The following LRP1B variants were observed in gnomAD, a reference collection of about 807,000 sequenced individuals.
LRP1B encodes low-density lipoprotein receptor-related protein 1B.
In LRP1B, 217 loss-of-function variants were observed where a neutral mutation model predicts 556.6. That is an observed-to-expected ratio of 0.39 (90% CI 0.35 to 0.44). The LOEUF (loss-of-function observed/expected upper bound fraction) is 0.44. Ranked by LOEUF, LRP1B falls within the 20% of genes least tolerant of loss-of-function variation. The pLI, the probability that LRP1B is intolerant of heterozygous loss-of-function variation, is 1.00. For synonymous variants in LRP1B, 2,047 were observed against 1,865.8 expected, an observed-to-expected ratio of 1.10 and a Z score of -2.50; for missense variants, 5,053 against 5,620.8, an observed-to-expected ratio of 0.90 and a Z score of 3.23.
intron 21 of LRP1B, among the ~76,000 whole-genome samples, chr2:140,914,715 G>A (rs769993741): frequency 2.6e-5 from 4 of 152,012 alleles, no homozygotes; most frequent in African/African-American, 4.8e-5. Context: ...GAGGAAAATG[G>A]GCAAGGGAAA....
At chr2:141,637,530 G>A (rs1689146100) in intron 2 of LRP1B, among the ~76,000 whole-genome samples, 1 of 152,176 alleles carries the variant, frequency 6.6e-6, no homozygotes, top group Non-Finnish European at 1.5e-5. Context: ...AATTAAGGAT[G>A]CAAACAAATG....
intron 3 of LRP1B, among the ~76,000 whole-genome samples, chr2:141,414,532 G>T (rs992654343): frequency 2.6e-5 from 4 of 152,166 alleles, no homozygotes; most frequent in African/African-American, 9.7e-5. Flanking sequence ...TTTAATTTTT[G>T]ATTTCCCCAG....
chr2:140,625,202 G>T (rs566098735), intron 41 of LRP1B, among the ~76,000 whole-genome samples: 8 of 152,244 alleles, frequency 5.3e-5, no homozygotes, highest in African/African-American at 1.9e-4. Context: ...AATAAACAAA[G>T]TAAGATGACC....
At chr2:141,099,441 GCA>G (rs142241139) in intron 7 of LRP1B, among the ~76,000 whole-genome samples, 2,434 of 152,232 alleles carry the variant, frequency 0.016, 35 homozygotes, top group Middle Eastern at 0.068. Flanking sequence ...AACTCCCAAA[GCA>G]CAGAGACTAG....
chr2:141,553,872 A>ATAATATAGTTATATAATATATCTATAT (rs746948208), intron 2 of LRP1B, among the ~76,000 whole-genome samples: 56 of 135,552 alleles, frequency 4.1e-4, no homozygotes, highest in African/African-American at 9.3e-4. Context: ...TATATCTATA[A>ATAATATAGTTATATAATATATCTATAT]TAATATAGTT....
At chr2:141,458,243 A>G (rs1320087007) in intron 3 of LRP1B, among the ~76,000 whole-genome samples, 7 of 152,214 alleles carry the variant, frequency 4.6e-5, no homozygotes, top group East Asian at 3.8e-4. Flanking sequence ...GTGCAAGACA[A>G]TATGTGTTTT....
intron 22 of LRP1B, among the ~76,000 whole-genome samples, chr2:140,904,491 C>CCAGTATGAAAAT (rs1694191326): frequency 6.6e-6 from 1 of 151,912 alleles, no homozygotes; most frequent in Non-Finnish European, 1.5e-5. Flanking sequence ...GAAAATGTAT[C>CCAGTATGAAAAT]CAGTATGAAA....
At chr2:141,837,107 G>A (rs1697309207) in intron 1 of LRP1B, among the ~76,000 whole-genome samples, 2 of 151,992 alleles carry the variant, frequency 1.3e-5, no homozygotes, top group African/African-American at 4.8e-5. Flanking sequence ...CAGCAGGTAT[G>A]CAGGGCTAGG....
chr2:140,281,109 CTCTT>C (rs1185692595), intron 84 of LRP1B, among the ~76,000 whole-genome samples: 1 of 151,820 alleles, frequency 6.6e-6, no homozygotes, highest in African/African-American at 2.4e-5. Context: ...TGCACACTCT[CTCTT>C]TTTCTTTCTC....
intron 43 of LRP1B, among the ~76,000 whole-genome samples, chr2:140,579,045 G>A (rs999163089): frequency 3.9e-5 from 6 of 151,998 alleles, no homozygotes; most frequent in Non-Finnish European, 1.5e-5. Context: ...CGGAACAGGG[G>A]AACAAGGAGA....
At position 141,909,303 on chromosome 2, in the gene LRP1B, A is replaced by C. The variant is rs1699840629; in HGVS notation, c.83-98902T>G. 2.0e-5 allele frequency among the ~76,000 whole-genome samples: 3 copies of C among 152,092 alleles called. No homozygotes were observed. In the South Asian group the frequency reaches 6.2e-4, roughly 31 times the overall value. ...ACAATACAGGTAACTCTTATAAGAC[A>C]ATCAATTATGGGAAACAAAGTAAAC... On this transcript the variant is annotated intron_variant, in intron 1 of 90. Coordinates refer to ENST00000389484, the MANE Select transcript of LRP1B (RefSeq NM_018557.3).
intron 32 of LRP1B, among the ~76,000 whole-genome samples, chr2:140,787,800 C>T (rs1689961062): frequency 6.6e-6 from 1 of 151,868 alleles, no homozygotes; most frequent in Non-Finnish European, 1.5e-5. Context: ...GTTTAGAACT[C>T]CTGGCCTCAA....
chr2:140,479,848 G>A (rs1228237282), intron 59 of LRP1B, among the ~76,000 whole-genome samples: 1 of 152,174 alleles, frequency 6.6e-6, no homozygotes, highest in African/African-American at 2.4e-5. Context: ...ATCAGAAACT[G>A]AATTTTCATC....
intron 7 of LRP1B, among the ~76,000 whole-genome samples, chr2:141,127,103 C>T (rs572903760): frequency 2.1e-4 from 32 of 151,582 alleles, no homozygotes; most frequent in South Asian, 1.0e-3. Context: ...AGTGAGAACA[C>T]GCGGTGTTTG....
At chr2:141,200,992 C>T (rs976449451) in intron 6 of LRP1B, among the ~76,000 whole-genome samples, 1 of 152,120 alleles carries the variant, frequency 6.6e-6, no homozygotes, top group African/African-American at 2.4e-5. Context: ...TAATCAGCTG[C>T]AATATTTTCT....
chr2:140,803,269 T>TGG lies in LRP1B; in HGVS notation c.5359+10387_5359+10388insCC, dbSNP rs1559128377. ...ATTAGTCCTATTGAAAGTTTTTTTT[T>TGG]TTTTTTTTTTTTTTTTTTTTTCCGA... On this transcript the variant is annotated intron_variant, in intron 32 of 90. Coordinates refer to ENST00000389484, the MANE Select transcript of LRP1B (RefSeq NM_018557.3). Among the ~76,000 whole-genome samples, 18 of 130,556 alleles carry TGG rather than the reference T, an allele frequency of 1.4e-4. No homozygotes were observed. In the East Asian group the frequency reaches 3.1e-3, roughly 23 times the overall value. 85.6% of individuals were successfully genotyped at this position (130,556 alleles called of 152,430 possible).
intron 7 of LRP1B, among the ~76,000 whole-genome samples, chr2:141,069,412 T>C (rs996505012): frequency 1.3e-5 from 2 of 152,110 alleles, no homozygotes; most frequent in Admixed American, 6.6e-5. Flanking sequence ...ATTTCATCAA[T>C]GTCTAATGTA....
chr2:141,549,238 A>G (rs12104854), intron 2 of LRP1B, among the ~76,000 whole-genome samples: 144,140 of 152,106 alleles, frequency 0.95, 68,785 homozygotes, highest in East Asian at 1. Flanking sequence ...CCAAAAATGG[A>G]GATGATAAAT....
chr2:141,131,407 T>TTTTATATATATA (rs976965390), intron 7 of LRP1B, among the ~76,000 whole-genome samples: 29 of 110,698 alleles, frequency 2.6e-4, no homozygotes, highest in African/African-American at 1.0e-3. Context: ...ATGCATAAAG[T>TTTTATATATATA]TATATATATA....
Sources: allele counts gnomAD v4.1 joint callset (sites outside exome capture counted in the v4.1 genomes callset), GRCh38; gene constraint gnomAD v4.1.1; transcripts MANE v1.5; gene names NCBI Gene and HGNC (gene_info 2026-07-23, HGNC 2026-07-21).